The following KIAA1549L variants were observed in gnomAD, a reference collection of about 807,000 sequenced individuals.
KIAA1549L encodes UPF0606 protein KIAA1549L.
In KIAA1549L, 88 loss-of-function variants were observed where a neutral mutation model predicts 160.7. The observed-to-expected ratio is 0.55, with a 90% CI of 0.46 to 0.65. The LOEUF is 0.65. KIAA1549L is among the 30% of genes least tolerant of loss of function. The pLI is 0.00. For synonymous variants in KIAA1549L, 950 were observed against 976.7 expected, an observed-to-expected ratio of 0.97 and a Z score of 0.51; for missense variants, 2,258 against 2,437.5, an observed-to-expected ratio of 0.93 and a Z score of 1.55.
chr11:33,512,125 A>G (rs1853240827), intron 1 of KIAA1549L, among the ~76,000 whole-genome samples: 1 of 152,236 alleles, frequency 6.6e-6, no homozygotes, highest in African/African-American at 2.4e-5. Flanking sequence ...CTAGAGGGTC[A>G]CGTAAAATGT....
At chr11:33,440,291 G>A (rs1851473903) in intron 1 of KIAA1549L, among the ~76,000 whole-genome samples, 1 of 150,040 alleles carries the variant, frequency 6.7e-6, no homozygotes, top group South Asian at 2.1e-4. Flanking sequence ...CACTACGCCC[G>A]GCTAATTTTT....
Position 33,618,682 on chromosome 11 carries a change from G to T in KIAA1549L, c.5409+20G>T. The T allele has an allele frequency of 6.5e-7, 1 of 1,543,452 alleles. No individual in the cohort carries two copies. The highest frequency in any genetic ancestry group is 8.8e-7 in the Non-Finnish European group (1 of 1,138,356). On this transcript the variant is annotated intron_variant, in intron 16 of 20. Coordinates refer to ENST00000658780, the MANE Select transcript of KIAA1549L (RefSeq NM_012194.3). ...TACGATGTGAGTCTCTGGTGGGCTG[G>T]GTAAATACAAGCTTTCCTTTCCCCT...
intron 1 of KIAA1549L, among the ~76,000 whole-genome samples, chr11:33,411,406 C>T (rs1324179253): frequency 6.6e-6 from 1 of 152,196 alleles, no homozygotes; most frequent in Non-Finnish European, 1.5e-5. Flanking sequence ...CCTGCTCCTG[C>T]TGCAGGTCCA....
intron 7 of KIAA1549L, among the ~76,000 whole-genome samples, chr11:33,560,982 C>G (rs1164159116): frequency 6.6e-6 from 1 of 152,116 alleles, no homozygotes; most frequent in Non-Finnish European, 1.5e-5. Context: ...TTCCATCATC[C>G]TTTTATTTCT....
chr11:33,591,374 G>T lies in KIAA1549L; in HGVS notation c.4704G>T (p.Gln1568His), dbSNP rs908037147. ...RDAPQERDVA[Q>H]DGSTIKTAKS... is the part of the protein sequence containing the mutation. The stretch of plus-strand genomic sequence containing the variant: ...CTCCTCAGGAAAGAGACGTCGCTCA[G>T]GATGGAAGCACCATCAAGACCGCCA... The change falls in exon 12 of 21, where the codon CAG (glutamine) becomes CAT (histidine). Residue 1568 changes from glutamine to histidine, a missense_variant. Physicochemically the swap from Gln to His is conservative, Grantham distance 24. Around this residue, in one of 6 missense-constraint regions of KIAA1549L, gnomAD observed 1,359 missense variants for 1,546.6 expected, o/e 0.88. Transcript: ENST00000658780. 5 of 1,612,388 alleles carry T rather than the reference G, an allele frequency of 3.1e-6. No homozygotes were observed. The African/African-American group carries it at 6.7e-5, about 22-fold the overall frequency.
intron 11 of KIAA1549L, among the ~76,000 whole-genome samples, chr11:33,587,176 G>T (rs1014383547): frequency 6.6e-6 from 1 of 152,062 alleles, no homozygotes; most frequent in African/African-American, 2.4e-5. Flanking sequence ...GGCTTTTATT[G>T]TTACCCATGC....
chr11:33,539,129 C>T (rs1215472936), intron 1 of KIAA1549L, among the ~76,000 whole-genome samples: 1 of 152,194 alleles, frequency 6.6e-6, no homozygotes, highest in African/African-American at 2.4e-5. Context: ...CATGCTTTCT[C>T]CCTTGGCTTT....
At chr11:33,614,562 ATATATATATATATATATATATATTTT>A (rs1850746063) in intron 15 of KIAA1549L, among the ~76,000 whole-genome samples, 2 of 12,658 alleles carry the variant, frequency 1.6e-4, no homozygotes, top group African/African-American at 7.7e-4. Flanking sequence ...ATATATATAT[ATATATATATATATATATATATATTTT>A]TTTTTTTTTT....
intron 1 of KIAA1549L, among the ~76,000 whole-genome samples, chr11:33,456,267 G>A (rs959598168): frequency 2.0e-5 from 3 of 152,128 alleles, no homozygotes; most frequent in South Asian, 2.1e-4. Flanking sequence ...GAATGGAGGC[G>A]GGTATCATGG....
chr11:33,561,469 T>G (rs1453096175), intron 7 of KIAA1549L, among the ~76,000 whole-genome samples: 1 of 152,192 alleles, frequency 6.6e-6, no homozygotes, highest in Non-Finnish European at 1.5e-5. Flanking sequence ...CCTGTTTTCC[T>G]TAATGAAATT....
At chr11:33,636,872 A>G (rs766945097) in intron 16 of KIAA1549L, among the ~76,000 whole-genome samples, 1 of 152,128 alleles carries the variant, frequency 6.6e-6, no homozygotes, top group Non-Finnish European at 1.5e-5. Context: ...TACACTAGGG[A>G]AAACTGGCAA....
chr11:33,514,172 A>C (rs948315043), intron 1 of KIAA1549L, among the ~76,000 whole-genome samples: 3 of 152,222 alleles, frequency 2.0e-5, no homozygotes, highest in Non-Finnish European at 2.9e-5. Context: ...GACAACCTGG[A>C]AAAGCACCAG....
chr11:33,541,024 C>G (rs1011215275), intron 1 of KIAA1549L, among the ~76,000 whole-genome samples: 5 of 152,142 alleles, frequency 3.3e-5, no homozygotes, highest in African/African-American at 1.2e-4. Flanking sequence ...CAGAATATTG[C>G]CTAATTCAGA....
At chr11:33,477,547 C>T (rs1381417048) in intron 1 of KIAA1549L, among the ~76,000 whole-genome samples, 1 of 145,400 alleles carries the variant, frequency 6.9e-6, no homozygotes, top group South Asian at 2.2e-4. Flanking sequence ...ACACACGACA[C>T]TACCCCCCTT....
intron 15 of KIAA1549L, among the ~76,000 whole-genome samples, chr11:33,612,893 T>C (rs1358194627): frequency 6.6e-6 from 1 of 152,204 alleles, no homozygotes; most frequent in Non-Finnish European, 1.5e-5. Context: ...CTAAGGATAA[T>C]AGCCTCCAAC....
chr11:33,380,296 C>T (rs1265197898), intron 1 of KIAA1549L, among the ~76,000 whole-genome samples: 1 of 152,286 alleles, frequency 6.6e-6, no homozygotes, highest in East Asian at 1.9e-4. Context: ...TTTTCAGTCT[C>T]TACACTCCTG....
intron 1 of KIAA1549L, among the ~76,000 whole-genome samples, chr11:33,510,959 A>G (rs1264558993): frequency 6.6e-6 from 1 of 152,254 alleles, no homozygotes. Flanking sequence ...ACTGAGTTCA[A>G]ATCCCACTCA....
intron 3 of KIAA1549L, among the ~76,000 whole-genome samples, chr11:33,545,929 C>T (rs1554988642): frequency 6.6e-6 from 1 of 152,152 alleles, no homozygotes; most frequent in Non-Finnish European, 1.5e-5. Context: ...ATAGCAAAAG[C>T]ACAGCTTCTG....
At chr11:33,576,414 C>T (rs924286285) in intron 10 of KIAA1549L, among the ~76,000 whole-genome samples, 3 of 152,186 alleles carry the variant, frequency 2.0e-5, no homozygotes, top group Non-Finnish European at 4.4e-5. Context: ...AGATTCTTTT[C>T]CTTTGCACCT....
Sources: allele counts gnomAD v4.1 joint callset (sites outside exome capture counted in the v4.1 genomes callset), GRCh38; gene constraint gnomAD v4.1.1; regional missense constraint gnomAD v4.1.1; transcripts MANE v1.5; gene names NCBI Gene and HGNC (gene_info 2026-07-23, HGNC 2026-07-21).